Variants in CLCN3 observed in about 807,000 individuals in gnomAD.
The protein encoded by CLCN3 is H(+)/Cl(-) exchange transporter 3.
A neutral mutation model predicts 83.4 loss-of-function variants in CLCN3; 16 were observed. That is an observed-to-expected ratio of 0.19 (90% CI 0.13 to 0.29). The LOEUF is 0.29. Among genes scored for constraint, CLCN3 ranks in the 10% least tolerant of loss-of-function variants. The pLI, the probability that CLCN3 is intolerant of heterozygous loss-of-function variation, is 1.00. For synonymous variants in CLCN3, 322 were observed against 346.2 expected, an observed-to-expected ratio of 0.93 and a Z score of 0.78; for missense variants, 544 against 1,006.0, an observed-to-expected ratio of 0.54 and a Z score of 6.21.
chr4:169,701,120 AC>A (rs1185976624), intron 9 of CLCN3, among the ~76,000 whole-genome samples: 1 of 152,238 alleles, frequency 6.6e-6, no homozygotes, highest in African/African-American at 2.4e-5. Context: ...ATCCTCTCAA[AC>A]CCTGCTACTG....
chr4:169,694,927 T>C (rs1289221140), intron 7 of CLCN3, among the ~76,000 whole-genome samples: 1 of 152,186 alleles, frequency 6.6e-6, no homozygotes, highest in Non-Finnish European at 1.5e-5. Flanking sequence ...TATAGTTGGC[T>C]TACAGGTGGG....
At chr4:169,676,488 T>C (rs781068062) in intron 2 of CLCN3, among the ~76,000 whole-genome samples, 25 of 151,372 alleles carry the variant, frequency 1.7e-4, no homozygotes, top group Non-Finnish European at 5.9e-5. Context: ...GCCTGTTTTT[T>C]ACACTCTAAA....
intron 1 of CLCN3, among the ~76,000 whole-genome samples, chr4:169,629,070 G>A (rs1179711218): frequency 6.6e-6 from 1 of 152,148 alleles, no homozygotes; most frequent in African/African-American, 2.4e-5. Context: ...TAACATTCTT[G>A]AACTGGCAAA....
chr4:169,686,566 G>A (rs1190075924), intron 3 of CLCN3, among the ~76,000 whole-genome samples: 7 of 152,034 alleles, frequency 4.6e-5, no homozygotes, highest in African/African-American at 1.7e-4. Flanking sequence ...ACAGGCGTTC[G>A]CCACCACACC....
chr4:169,678,812 A>G (rs891048338), intron 2 of CLCN3, among the ~76,000 whole-genome samples: 3 of 152,174 alleles, frequency 2.0e-5, no homozygotes, highest in Admixed American at 6.5e-5. Flanking sequence ...TCCTGTGTCT[A>G]CTTCTTTCTA....
rs1456306920 is a variant in CLCN3, at chr4:169,706,887, T to G, written c.1770T>G (p.Thr590=). Residue 590 remains threonine (T), a synonymous_variant, in exon 11 of 13, where the codon ACT becomes ACG. Coordinates refer to ENST00000513761, the MANE Select transcript of CLCN3 (RefSeq NM_001829.4). ...TTTCAGGTGGTGTGACAAGAATGAC[T>G]GTCTCCCTGGTGGTTATTGTTTTTG... is the stretch of plus-strand genomic sequence containing the variant. ...AACLGGVTRM[T]VSLVVIVFEL... is the part of the protein sequence containing the mutation. The G allele has an allele frequency of 1.2e-6, 2 of 1,611,292 alleles. No homozygotes were observed. The highest frequency in any genetic ancestry group is 3.3e-5 in the Admixed American group (2 of 59,934).
At chr4:169,621,514 G>A (rs927805325) in intron 1 of CLCN3, among the ~76,000 whole-genome samples, 1 of 152,182 alleles carries the variant, frequency 6.6e-6, no homozygotes, top group Non-Finnish European at 1.5e-5. Context: ...GGTATGCTTT[G>A]TTTGTATGGC....
At chr4:169,690,134 TTTC>T (rs1473763933) in intron 5 of CLCN3, among the ~76,000 whole-genome samples, 3 of 90,692 alleles carry the variant, frequency 3.3e-5, no homozygotes, top group African/African-American at 8.4e-5. Context: ...GTTTCTTTTC[TTTC>T]TTTTTTTTTT....
chr4:169,641,984 A>G (rs556454907), intron 2 of CLCN3, among the ~76,000 whole-genome samples: 4 of 152,372 alleles, frequency 2.6e-5, no homozygotes, highest in African/African-American at 9.6e-5. Flanking sequence ...AATCATTTGC[A>G]TAAGTATCTG....
intron 2 of CLCN3, among the ~76,000 whole-genome samples, chr4:169,679,511 T>A (rs956599438): frequency 6.6e-6 from 1 of 152,056 alleles, no homozygotes; most frequent in Non-Finnish European, 1.5e-5. Flanking sequence ...GAGGCTGCAA[T>A]CTCAGCACTT....
intron 2 of CLCN3, among the ~76,000 whole-genome samples, chr4:169,641,048 G>A (rs1198337255): frequency 6.6e-6 from 1 of 151,912 alleles, no homozygotes; most frequent in Admixed American, 6.6e-5. Flanking sequence ...AGAGTTGAGA[G>A]GGCTCACTCC....
chr4:169,667,175 T>C (rs1236184464), intron 2 of CLCN3, among the ~76,000 whole-genome samples: 3 of 152,188 alleles, frequency 2.0e-5, no homozygotes, highest in Non-Finnish European at 4.4e-5. Flanking sequence ...TTATATATGG[T>C]GTGAGGTAGG....
At chr4:169,664,102 T>C (rs1420986740) in intron 2 of CLCN3, among the ~76,000 whole-genome samples, 2 of 152,180 alleles carry the variant, frequency 1.3e-5, no homozygotes, top group Admixed American at 6.5e-5. Flanking sequence ...AGTGTGTTGC[T>C]CTTGGATTAG....
chr4:169,660,399 T>A, intron 2 of CLCN3: 1 of 1,405,176 alleles, frequency 7.1e-7, no homozygotes, highest in Non-Finnish European at 9.2e-7. Flanking sequence ...CTTATTTGCC[T>A]TATGACGGGG....
intron 2 of CLCN3, among the ~76,000 whole-genome samples, chr4:169,661,065 TA>T (rs1731040614): frequency 6.6e-6 from 1 of 151,028 alleles, no homozygotes; most frequent in African/African-American, 2.4e-5. Context: ...CACATTTGAC[TA>T]AATGTCAGAA....
At chr4:169,660,497 C>A (rs571999855) in intron 2 of CLCN3, 5 of 1,235,914 alleles carry the variant, frequency 4.0e-6, no homozygotes, top group Non-Finnish European at 5.1e-6. Context: ...GTTTTGCATG[C>A]GGCTGGGCGG....
intron 12 of CLCN3, 140 bp from the exon 13 acceptor site, chr4:169,719,767 A>G: frequency 1.6e-6 from 1 of 613,480 alleles, no homozygotes; most frequent in Non-Finnish European, 2.8e-6. Flanking sequence ...ATCTTTACCA[A>G]TAAAGTACTT....
intron 8 of CLCN3, 37 bp downstream of exon 8, chr4:169,695,729 A>G (rs750633566): frequency 1.5e-6 from 2 of 1,322,082 alleles, no homozygotes; most frequent in African/African-American, 2.9e-5. Context: ...AATTATATAT[A>G]ATTACCATTA....
At chr4:169,703,936 G>C (rs1223489028) in intron 9 of CLCN3, 62 bp from the exon 10 acceptor site, 1 of 1,463,894 alleles carries the variant, frequency 6.8e-7, no homozygotes, top group Non-Finnish European at 9.5e-7. Flanking sequence ...TGCATAGAAT[G>C]TAAGTTTCAG....
Sources: gnomAD v4.1 joint callset for allele counts (sites outside exome capture counted in the v4.1 genomes callset) on GRCh38, gnomAD v4.1.1 for gene constraint, MANE v1.5 for transcripts, NCBI Gene and HGNC (gene_info 2026-07-23, HGNC 2026-07-21) for gene names.